The following AGBL1 variants were observed in gnomAD, a reference collection of about 807,000 sequenced individuals.
AGBL1 encodes AGBL carboxypeptidase 1.
AGBL1 carries 130 observed loss-of-function variants against 118.9 expected under a neutral mutation model. That is an observed-to-expected ratio of 1.09 (90% CI 0.95 to 1.26). The LOEUF is 1.26. Ranked by LOEUF, AGBL1 falls within the 50% of genes most tolerant of loss-of-function variation. The pLI is 0.00. For missense variants in AGBL1, 1,584 were observed against 1,298.1 expected, an observed-to-expected ratio of 1.22 and a Z score of -3.38; for synonymous variants, 555 against 478.9, an observed-to-expected ratio of 1.16 and a Z score of -2.08.
intron 1 of AGBL1, among the ~76,000 whole-genome samples, chr15:86,122,954 T>G (rs1237000614): frequency 6.6e-6 from 1 of 152,166 alleles, no homozygotes; most frequent in East Asian, 1.9e-4. Context: ...CTGACTCTAG[T>G]ATAGCATCAC....
At chr15:86,263,146 T>G (rs2079019546) in intron 10 of AGBL1, among the ~76,000 whole-genome samples, 1 of 152,266 alleles carries the variant, frequency 6.6e-6, no homozygotes, top group South Asian at 2.1e-4. Flanking sequence ...CAAGGTCATG[T>G]GCTGCATAAT....
chr15:86,098,568 A>T (rs995411116), intron 1 of AGBL1, among the ~76,000 whole-genome samples: 1 of 152,114 alleles, frequency 6.6e-6, no homozygotes, highest in African/African-American at 2.4e-5. Context: ...GTTGAAAAGG[A>T]TGTCCTTTCC....
chr15:86,854,135 T>C (rs1567208127), intron 22 of AGBL1, among the ~76,000 whole-genome samples: 1 of 152,312 alleles, frequency 6.6e-6, no homozygotes, highest in East Asian at 1.9e-4. Flanking sequence ...CTACCAACTC[T>C]GTCATCCCAT....
chr15:86,827,411 GTATA>G (rs1196407525), intron 22 of AGBL1, among the ~76,000 whole-genome samples: 1 of 4,588 alleles, frequency 2.2e-4, no homozygotes, highest in Non-Finnish European at 3.3e-4. Flanking sequence ...ATATATATGT[GTATA>G]TATATATATA....
intron 15 of AGBL1, among the ~76,000 whole-genome samples, chr15:86,274,707 T>A (rs1020164605): frequency 1.2e-4 from 19 of 152,188 alleles, no homozygotes; most frequent in African/African-American, 4.6e-4. Flanking sequence ...ACGACAGTGA[T>A]GAGTGGATAA....
At chr15:86,441,259 G>C (rs1223117767) in intron 18 of AGBL1, among the ~76,000 whole-genome samples, 2 of 152,066 alleles carry the variant, frequency 1.3e-5, no homozygotes, top group African/African-American at 2.4e-5. Context: ...TGTTGTTGAA[G>C]AACCCTTTAA....
intron 21 of AGBL1, among the ~76,000 whole-genome samples, chr15:86,571,132 C>G (rs911825532): frequency 5.9e-5 from 9 of 152,216 alleles, no homozygotes; most frequent in Admixed American, 5.9e-4. Flanking sequence ...ATGGTGGCAC[C>G]CTGAAGTTTG....
At chr15:86,498,140 T>G (rs535470637) in intron 18 of AGBL1, among the ~76,000 whole-genome samples, 1 of 152,058 alleles carries the variant, frequency 6.6e-6, no homozygotes, top group African/African-American at 2.4e-5. Context: ...ATTAGAAATA[T>G]CCCAGGGAGA....
intron 22 of AGBL1, among the ~76,000 whole-genome samples, chr15:86,903,231 C>A (rs1445362749): frequency 6.6e-6 from 1 of 151,780 alleles, no homozygotes; most frequent in Non-Finnish European, 1.5e-5. Context: ...GATATTTTTT[C>A]ATTCTAAAAT....
intron 17 of AGBL1, chr15:86,296,227 A>C (rs925246230): frequency 3.3e-5 from 5 of 150,084 alleles, no homozygotes; most frequent in South Asian, 2.1e-4. Flanking sequence ...AAAAAAAAAA[A>C]AACAAAAAAA....
intron 17 of AGBL1, among the ~76,000 whole-genome samples, chr15:86,390,543 C>T (rs935413496): frequency 2.0e-5 from 3 of 151,820 alleles, no homozygotes; most frequent in African/African-American, 7.3e-5. Flanking sequence ...CTATGTGGTA[C>T]CTTGGAATAC....
chr15:86,130,086 G>A (rs1183166235), intron 1 of AGBL1, among the ~76,000 whole-genome samples: 1 of 152,068 alleles, frequency 6.6e-6, no homozygotes, highest in African/African-American at 2.4e-5. Context: ...GAAAGGGCAG[G>A]GATCTTGAAC....
intron 18 of AGBL1, among the ~76,000 whole-genome samples, chr15:86,443,650 T>G (rs956629589): frequency 3.9e-5 from 6 of 152,194 alleles, no homozygotes; most frequent in African/African-American, 1.4e-4. Flanking sequence ...CTACTCTCTC[T>G]TTCTATGAGA....
intron 21 of AGBL1, among the ~76,000 whole-genome samples, chr15:86,646,393 C>A (rs1460298962): frequency 6.6e-6 from 1 of 152,192 alleles, no homozygotes; most frequent in Non-Finnish European, 1.5e-5. Context: ...CCTTCTCGAA[C>A]TTGAGAGTGC....
At chr15:86,502,652 G>A (rs1278391590) in intron 18 of AGBL1, among the ~76,000 whole-genome samples, 1 of 150,024 alleles carries the variant, frequency 6.7e-6, no homozygotes, top group Non-Finnish European at 1.5e-5. Context: ...TTTATAAAAC[G>A]TTTTTTCAGT....
intron 22 of AGBL1, among the ~76,000 whole-genome samples, chr15:86,827,850 A>G (rs72751915): frequency 0.32 from 46,779 of 147,764 alleles, 9,783 homozygotes; most frequent in African/African-American, 0.57. Flanking sequence ...CTACCATAAG[A>G]TAAAAGATGG....
At chr15:86,905,010 A>C (rs1022226650) in intron 22 of AGBL1, among the ~76,000 whole-genome samples, 2 of 152,316 alleles carry the variant, frequency 1.3e-5, no homozygotes, top group East Asian at 1.9e-4. Flanking sequence ...GTAAAGACTC[A>C]TATTTAGAAA....
intron 18 of AGBL1, among the ~76,000 whole-genome samples, chr15:86,511,945 C>A (rs560948347): frequency 2.5e-4 from 38 of 152,066 alleles, no homozygotes; most frequent in African/African-American, 5.5e-4. Flanking sequence ...ATAATGTGTT[C>A]TTGCTTTTGT....
chr15:86,850,509 C>A (rs1320570701), intron 22 of AGBL1, among the ~76,000 whole-genome samples: 1 of 152,218 alleles, frequency 6.6e-6, no homozygotes, highest in East Asian at 1.9e-4. Context: ...ACTGCGCCCA[C>A]ATTGCCTGTC....
Sources: gnomAD v4.1 joint callset for allele counts (sites outside exome capture counted in the v4.1 genomes callset) on GRCh38, gnomAD v4.1.1 for gene constraint, MANE v1.5 for transcripts, NCBI Gene and HGNC (gene_info 2026-07-23, HGNC 2026-07-21) for gene names.